The following CTNNA2 variants were observed in gnomAD, a reference collection of about 807,000 sequenced individuals.
CTNNA2 encodes catenin alpha 2.
Under a neutral mutation model 101.0 loss-of-function variants are expected in CTNNA2, and 42 were observed. The ratio of observed to expected loss-of-function variants is 0.42; its 90% CI spans 0.32 to 0.54. CTNNA2 has a LOEUF of 0.54. Ranked by LOEUF, CTNNA2 falls within the 20% of genes least tolerant of loss-of-function variation. CTNNA2 has a pLI of 0.14. For synonymous variants in CTNNA2, 450 were observed against 456.4 expected (o/e 0.99, Z 0.18); for missense variants, 871 against 1,223.1 (o/e 0.71, Z 4.29).
intron 16 of CTNNA2, 57 bp downstream of exon 16, chr2:80,604,236 G>C: frequency 7.1e-7 from 1 of 1,410,112 alleles, no homozygotes; most frequent in Non-Finnish European, 1.0e-6. Flanking sequence ...TTAGCACTTG[G>C]GTTTTGTAAC....
chr2:79,327,593 G>A (rs1676776014), intron 3 of CTNNA2, among the ~76,000 whole-genome samples: 1 of 152,104 alleles, frequency 6.6e-6, no homozygotes, highest in African/African-American at 2.4e-5. Flanking sequence ...TTGCCTTGGG[G>A]CTGCTGATCA....
chr2:79,444,321 A>C (rs1438039324), intron 4 of CTNNA2, among the ~76,000 whole-genome samples: 1 of 152,152 alleles, frequency 6.6e-6, no homozygotes, highest in Non-Finnish European at 1.5e-5. Context: ...GAGGAAAAAG[A>C]ATACAAATAT....
intron 7 of CTNNA2, among the ~76,000 whole-genome samples, chr2:80,357,247 TTTTG>T (rs1386373584): frequency 6.6e-6 from 1 of 151,846 alleles, no homozygotes; most frequent in African/African-American, 2.4e-5. Context: ...TTTGTTTTTT[TTTTG>T]TTTGTTTGTT....
chr2:79,632,403 A>C (rs1679751509), intron 1 of CTNNA2, among the ~76,000 whole-genome samples: 1 of 152,214 alleles, frequency 6.6e-6, no homozygotes, highest in African/African-American at 2.4e-5. Flanking sequence ...ATGAAAAAAA[A>C]TCCTCTAAAG....
intron 14 of CTNNA2, chr2:80,586,305 C>G (rs1350991926): frequency 2.0e-5 from 3 of 152,180 alleles, no homozygotes; most frequent in Admixed American, 6.5e-5. Context: ...ATACACTTTT[C>G]AGTGCACAAA....
At chr2:79,812,480 T>G (rs935741843) in intron 3 of CTNNA2, among the ~76,000 whole-genome samples, 3 of 152,190 alleles carry the variant, frequency 2.0e-5, no homozygotes, top group Non-Finnish European at 4.4e-5. Context: ...TTGCATCTAT[T>G]GCAATGATCA....
chr2:79,889,771 A>T (rs940890186), intron 6 of CTNNA2, among the ~76,000 whole-genome samples: 4 of 152,168 alleles, frequency 2.6e-5, no homozygotes, highest in Admixed American at 2.6e-4. Context: ...TATTCCCTAG[A>T]AAAACCCTGG....
chr2:79,621,909 A>C (rs1679021316), intron 1 of CTNNA2, among the ~76,000 whole-genome samples: 1 of 152,230 alleles, frequency 6.6e-6, no homozygotes, highest in African/African-American at 2.4e-5. Context: ...TCACATGAGT[A>C]GCATTTTACA....
intron 7 of CTNNA2, among the ~76,000 whole-genome samples, chr2:80,102,364 T>A (rs1309420763): frequency 6.6e-6 from 1 of 152,160 alleles, no homozygotes; most frequent in African/African-American, 2.4e-5. Context: ...ACTGTTTTGA[T>A]CATATTGCTC....
intron 9 of CTNNA2, among the ~76,000 whole-genome samples, chr2:80,434,966 A>G (rs1210586972): frequency 1.3e-5 from 2 of 152,116 alleles, no homozygotes; most frequent in South Asian, 4.2e-4. Context: ...AAGGAGTAAA[A>G]TAAGATTATT....
chr2:80,430,640 T>G (rs534534194), intron 9 of CTNNA2, among the ~76,000 whole-genome samples: 5 of 152,120 alleles, frequency 3.3e-5, no homozygotes, highest in Non-Finnish European at 7.4e-5. Context: ...CTCTCCAAAG[T>G]TGAGGAAGAG....
At chr2:79,259,867 A>T (rs1448369938) in intron 2 of CTNNA2, among the ~76,000 whole-genome samples, 1 of 152,212 alleles carries the variant, frequency 6.6e-6, no homozygotes, top group Non-Finnish European at 1.5e-5. Flanking sequence ...CAGCCTATGC[A>T]GATAGATAAG....
Position 79,582,981 on chromosome 2 carries a change from T to C in CTNNA2, c.-5-68571T>C, listed in dbSNP as rs143542566. ...CCAGAATATGATAAAAATGGAGTCATGTAATGTGTTGTGTTTTGAGTCTAG... is the reference window on the plus strand; with the variant it reads ...CCAGAATATGATAAAAATGGAGTCACGTAATGTGTTGTGTTTTGAGTCTAG... On this transcript the variant is annotated intron_variant, in intron 1 of 18. Coordinates refer to ENST00000402739, the MANE Select transcript of CTNNA2 (RefSeq NM_001282597.3). Among the ~76,000 whole-genome samples the C allele has an allele frequency of 1.1e-3, 175 of 152,206 alleles. 1 individual carries two copies. The highest frequency in any genetic ancestry group is 4.0e-3 in the African/African-American group (166 of 41,548).
chr2:79,787,479 T>C (rs887155620), intron 3 of CTNNA2, among the ~76,000 whole-genome samples: 1 of 152,114 alleles, frequency 6.6e-6, no homozygotes, highest in African/African-American at 2.4e-5. Context: ...TTAAAAAAAA[T>C]TATAGTTATT....
At chr2:79,910,921 G>A (rs1338110131) in intron 7 of CTNNA2, among the ~76,000 whole-genome samples, 3 of 152,130 alleles carry the variant, frequency 2.0e-5, no homozygotes, top group African/African-American at 7.2e-5. Flanking sequence ...AAAGCAAAAA[G>A]ATGTCAATGA....
At chr2:80,220,832 G>C (rs142537215) in intron 7 of CTNNA2, among the ~76,000 whole-genome samples, 10 of 152,066 alleles carry the variant, frequency 6.6e-5, no homozygotes, top group Admixed American at 4.6e-4. Flanking sequence ...GGACCTTAAG[G>C]GTCTGTTAAT....
intron 1 of CTNNA2, among the ~76,000 whole-genome samples, chr2:79,188,576 A>G (rs1374674629): frequency 6.6e-6 from 1 of 152,210 alleles, no homozygotes; most frequent in African/African-American, 2.4e-5. Flanking sequence ...TGAGGTACAG[A>G]CAATAGACAA....
At chr2:80,506,367 G>A (rs1287682570) in intron 9 of CTNNA2, among the ~76,000 whole-genome samples, 2 of 152,154 alleles carry the variant, frequency 1.3e-5, no homozygotes, top group Admixed American at 6.6e-5. Flanking sequence ...ACAAGGCTGG[G>A]CAGGCAAAAA....
chr2:80,441,101 A>G (rs1028407584), intron 9 of CTNNA2, among the ~76,000 whole-genome samples: 6 of 152,228 alleles, frequency 3.9e-5, no homozygotes, highest in African/African-American at 1.4e-4. Flanking sequence ...CATGGACTAA[A>G]GAAAGTTTAC....
Sources: allele counts gnomAD v4.1 joint callset (sites outside exome capture counted in the v4.1 genomes callset), GRCh38; gene constraint gnomAD v4.1.1; transcripts MANE v1.5; gene names NCBI Gene and HGNC (gene_info 2026-07-23, HGNC 2026-07-21).